VEZT: variants seen among roughly 807,000 people sequenced by gnomAD.
VEZT encodes vezatin.
A neutral mutation model predicts 79.9 loss-of-function variants in VEZT; 39 were observed. The ratio of observed to expected loss-of-function variants is 0.49; its 90% CI spans 0.38 to 0.64. The LOEUF (loss-of-function observed/expected upper bound fraction) is 0.64, where lower values mean the gene tolerates loss of function less well. Ranked by LOEUF, VEZT falls within the 30% of genes least tolerant of loss-of-function variation. The pLI is 0.00. For synonymous variants in VEZT, 325 were observed against 327.6 expected (o/e 0.99, Z 0.09); for missense variants, 837 against 893.1 (o/e 0.94, Z 0.80).
At chr12:95,238,585 G>C (rs897069891) in intron 1 of VEZT, among the ~76,000 whole-genome samples, 1 of 152,104 alleles carries the variant, frequency 6.6e-6, no homozygotes, top group Non-Finnish European at 1.5e-5. Context: ...CATTCAGTAG[G>C]CTACTTTCCT....
chr12:95,230,021 C>T (rs985318126), intron 1 of VEZT, among the ~76,000 whole-genome samples: 1 of 148,424 alleles, frequency 6.7e-6, no homozygotes, highest in African/African-American at 2.5e-5. Flanking sequence ...AGGAGAATTG[C>T]TTGAACCCAG....
intron 11 of VEZT, among the ~76,000 whole-genome samples, chr12:95,297,428 T>G (rs1393239951): frequency 6.6e-6 from 1 of 152,112 alleles, no homozygotes; most frequent in Non-Finnish European, 1.5e-5. Context: ...GAGCCCTATG[T>G]TTTCTCCTGT....
intron 7 of VEZT, among the ~76,000 whole-genome samples, chr12:95,279,320 G>T (rs1268119766): frequency 6.6e-6 from 1 of 152,136 alleles, no homozygotes; most frequent in East Asian, 1.9e-4. Flanking sequence ...TTGGATTAGG[G>T]ATACTCAATC....
intron 7 of VEZT, among the ~76,000 whole-genome samples, chr12:95,280,355 G>C (rs1365809085): frequency 6.6e-6 from 1 of 151,900 alleles, no homozygotes; most frequent in Admixed American, 6.6e-5. Context: ...TCTCTTCCTT[G>C]ATGATTATCT....
At chr12:95,280,984 T>C (rs1179600601) in intron 7 of VEZT, among the ~76,000 whole-genome samples, 7 of 152,196 alleles carry the variant, frequency 4.6e-5, no homozygotes, top group Non-Finnish European at 8.8e-5. Context: ...ATAATCTTAA[T>C]TCATTATTGG....
intron 6 of VEZT, among the ~76,000 whole-genome samples, chr12:95,274,474 A>G (rs2067233038): frequency 6.6e-6 from 1 of 152,210 alleles, no homozygotes; most frequent in Admixed American, 6.5e-5. Context: ...TCAAAAAAAT[A>G]AATAAATAAC....
chr12:95,275,292 A>G (rs1345343681), intron 7 of VEZT, among the ~76,000 whole-genome samples: 4 of 152,170 alleles, frequency 2.6e-5, no homozygotes, highest in Non-Finnish European at 5.9e-5. Flanking sequence ...ACATTTAGCT[A>G]CATAGAAATT....
intron 1 of VEZT, among the ~76,000 whole-genome samples, chr12:95,234,585 G>A (rs987192648): frequency 2.0e-5 from 3 of 152,110 alleles, no homozygotes; most frequent in African/African-American, 7.2e-5. Context: ...ATGAGCCACC[G>A]CGCCAGGCTT....
chr12:95,294,412 C>G, intron 10 of VEZT, 40 bp downstream of exon 10: 1 of 1,479,406 alleles, frequency 6.8e-7, no homozygotes, highest in South Asian at 1.2e-5. Context: ...TGTTGGATTT[C>G]TGTTTCTAAT....
At chr12:95,229,111 C>CT (rs546046585) in intron 1 of VEZT, among the ~76,000 whole-genome samples, 16 of 152,098 alleles carry the variant, frequency 1.1e-4, no homozygotes, top group Middle Eastern at 3.4e-3. Context: ...AACAAGTCTG[C>CT]TTTTTTTTCT....
Position 95,280,479 on chromosome 12 carries a change from T to TACAC in VEZT, c.997-1815_997-1812dup, listed in dbSNP as rs34219058. ...CCCCTTTCATATGTGTACACACACA[T>TACAC]ACACACACACACACACACACACTAT... On this transcript the variant is annotated intron_variant, in intron 7 of 11. Transcript: ENST00000436874. Among the ~76,000 whole-genome samples, 946 of 117,854 alleles carry TACAC rather than the reference T, an allele frequency of 8.0e-3. 7 individuals carry two copies. The highest frequency in any genetic ancestry group is 0.019 in the Middle Eastern group (4 of 208). The allele number at this position is 117,854 out of a possible 152,430, so 77.3% of individuals were successfully genotyped here. A position where few individuals can be genotyped will look rare whatever the true frequency, so the allele number is the denominator to read the frequency against.
intron 1 of VEZT, among the ~76,000 whole-genome samples, chr12:95,244,790 T>TTA (rs2061510630): frequency 6.6e-6 from 1 of 151,730 alleles, no homozygotes; most frequent in Admixed American, 6.6e-5. Context: ...TTTTTTTTTT[T>TTA]AAAGACAAAT....
At chr12:95,287,970 CTTAGT>C in intron 9 of VEZT, 113 bp downstream of exon 9, 1 of 913,046 alleles carries the variant, frequency 1.1e-6, no homozygotes, top group South Asian at 2.9e-5. Context: ...TTCAAAATTT[CTTAGT>C]TTACTTTTTT....
intron 4 of VEZT, 80 bp from the exon 5 acceptor site, chr12:95,266,277 T>C: frequency 7.0e-7 from 1 of 1,435,088 alleles, no homozygotes; most frequent in East Asian, 2.3e-5. Context: ...TAAATTTAAA[T>C]TTTGTTTTTA....
intron 9 of VEZT, among the ~76,000 whole-genome samples, chr12:95,291,894 G>A (rs1310314441): frequency 2.0e-5 from 3 of 152,150 alleles, no homozygotes; most frequent in Non-Finnish European, 4.4e-5. Flanking sequence ...TGCGTCCCAG[G>A]TTCAAATGAT....
At chr12:95,268,189 C>A (rs1032473077) in intron 5 of VEZT, among the ~76,000 whole-genome samples, 1 of 151,922 alleles carries the variant, frequency 6.6e-6, no homozygotes, top group East Asian at 1.9e-4. Context: ...TTAAAAAAAT[C>A]ATGCTTAAAA....
intron 9 of VEZT, among the ~76,000 whole-genome samples, chr12:95,291,820 CT>C (rs1226377111): frequency 3.9e-5 from 6 of 152,170 alleles, no homozygotes; most frequent in African/African-American, 1.4e-4. Flanking sequence ...GAGACAGAGT[CT>C]CACTGTGTTG....
chr12:95,301,757 A>G lies in VEZT; in HGVS notation c.*1084A>G, dbSNP rs537896751. The G allele has an allele frequency of 1.3e-5, 2 of 152,310 alleles. No individual in the cohort carries two copies. The highest frequency in any genetic ancestry group is 4.1e-4 in the South Asian group (2 of 4,828). The allele number at this position is 152,310 out of a possible 1,614,324, so 9.4% of individuals were successfully genotyped here. A position where few individuals can be genotyped will look rare whatever the true frequency, so the allele number is the denominator to read the frequency against. ...GGGAAATGTAGTAATAACTCAATCTATGTTGCTGTCCTAGAAAGGAAATTG... is the reference window on the plus strand; with the variant it reads ...GGGAAATGTAGTAATAACTCAATCTGTGTTGCTGTCCTAGAAAGGAAATTG... On this transcript the variant is annotated 3_prime_UTR_variant, in exon 12 of 12. Coordinates refer to ENST00000436874, the MANE Select transcript of VEZT (RefSeq NM_017599.4).
chr12:95,218,111 T>G (rs1401132492), intron 1 of VEZT: 8 of 380,388 alleles, frequency 2.1e-5, no homozygotes, highest in Non-Finnish European at 3.8e-5. Flanking sequence ...CCGCCCAGAA[T>G]TCCCAGACGG....
Sources: gnomAD v4.1 joint callset for allele counts (sites outside exome capture counted in the v4.1 genomes callset) on GRCh38, gnomAD v4.1.1 for gene constraint, MANE v1.5 for transcripts, NCBI Gene and HGNC (gene_info 2026-07-23, HGNC 2026-07-21) for gene names.